HNRNPA3: variants seen among roughly 807,000 people sequenced by gnomAD.
HNRNPA3 encodes the protein heterogeneous nuclear ribonucleoprotein A3.
Under a neutral mutation model 45.8 loss-of-function variants are expected in HNRNPA3, and 3 were observed. That is an observed-to-expected ratio of 0.07 (90% CI 0.03 to 0.17). The LOEUF is 0.17. Among genes scored for constraint, HNRNPA3 ranks in the 10% least tolerant of loss-of-function variants. HNRNPA3 has a pLI of 1.00. For synonymous variants in HNRNPA3, 170 were observed against 155.6 expected, an observed-to-expected ratio of 1.09 and a Z score of -0.69; for missense variants, 183 against 480.3, an observed-to-expected ratio of 0.38 and a Z score of 5.79.
intron 1 of HNRNPA3, among the ~76,000 whole-genome samples, chr2:177,215,294 C>T (rs966424560): frequency 6.6e-6 from 1 of 152,030 alleles, no homozygotes; most frequent in Non-Finnish European, 1.5e-5. Flanking sequence ...GGGGTTTCGC[C>T]GTGTTGGCCA....
At chr2:177,220,042 T>C (rs948581980) in exon 11 of HNRNPA3, 3 of 152,648 alleles carry the variant, frequency 2.0e-5, no homozygotes, top group Admixed American at 6.5e-5. Flanking sequence ...AATGTGTGTT[T>C]TAGATAAATA....
rs879727435 is a variant in HNRNPA3, at chr2:177,213,113, AGGGAAGCCGGCCTGCC to A, written c.72+245_72+260del. Among the ~76,000 whole-genome samples, 277 of 148,958 alleles carry A rather than the reference AGGGAAGCCGGCCTGCC, an allele frequency of 1.9e-3. 1 individual carries two copies. The highest frequency in any genetic ancestry group is 3.0e-3 in the Non-Finnish European group (205 of 67,504). On this transcript the variant is annotated intron_variant, in intron 1 of 10. Transcript: ENST00000392524. ...GCGGCTTGGTCGGGGAGGCCTCGGG[AGGGAAGCCGGCCTGCC>A]GGCTGCGCGGCCTCCGAAGCGAGGC... is the stretch of plus-strand genomic sequence containing the variant.
intron 2 of HNRNPA3, 24 bp from the exon 3 acceptor site, chr2:177,215,726 G>A (rs1558968970): frequency 8.2e-6 from 13 of 1,582,298 alleles, no homozygotes; most frequent in African/African-American, 2.8e-5. Flanking sequence ...TGTTTTCAAC[G>A]TTATAAAACT....
intron 8 of HNRNPA3, among the ~76,000 whole-genome samples, 200 bp downstream of exon 8, chr2:177,218,045 C>CTTCT (rs1689023804): frequency 9.3e-6 from 1 of 107,640 alleles, no homozygotes; most frequent in African/African-American, 3.7e-5. Flanking sequence ...ACTCAGCTCT[C>CTTCT]TTTTTTCTTT....
chr2:177,221,599 AGT>A (rs1464232982), downstream of HNRNPA3: 15 of 152,652 alleles, frequency 9.8e-5, no homozygotes, highest in African/African-American at 3.6e-4. Flanking sequence ...TCTTGTGAAC[AGT>A]GTGGAAAAGT....
chr2:177,218,468 C>T (rs964126942), intron 8 of HNRNPA3, among the ~76,000 whole-genome samples: 2 of 151,656 alleles, frequency 1.3e-5, no homozygotes, highest in African/African-American at 4.9e-5. Context: ...CAAAATTTTA[C>T]TTAACTCCTT....
chr2:177,215,389 C>T (rs180788821), intron 1 of HNRNPA3, 150 bp from the exon 2 acceptor site: 26 of 780,038 alleles, frequency 3.3e-5, no homozygotes, highest in East Asian at 2.3e-4. Flanking sequence ...GACATCGCGC[C>T]GGTGTCTGGT....
exon 6 of HNRNPA3, chr2:177,216,680 T>C (rs373762842): frequency 6.2e-7 from 1 of 1,614,170 alleles, no homozygotes. Context: ...TTAAAGGTCG[T>C]GGAGGTGGAT....
chr2:177,214,980 T>TGG (rs1688868750), intron 1 of HNRNPA3, among the ~76,000 whole-genome samples: 1 of 152,262 alleles, frequency 6.6e-6, no homozygotes, highest in South Asian at 2.1e-4. Context: ...TTTTTGATTC[T>TGG]GGAATTGTCT....
downstream of HNRNPA3, chr2:177,220,945 G>A (rs192361797): frequency 2.6e-5 from 4 of 152,712 alleles, no homozygotes; most frequent in East Asian, 5.8e-4. Flanking sequence ...TTGAATTCAA[G>A]TCTTTTGTTT....
At chr2:177,219,254 T>C (rs1203607067) in exon 10 of HNRNPA3, 4 of 1,613,686 alleles carry the variant, frequency 2.5e-6, no homozygotes, top group African/African-American at 2.7e-5. Context: ...CAGGTGGTTA[T>C]GGATCTGGTG....
rs571873397 is a variant in HNRNPA3 at position 177,216,442 on chromosome 2, T to C, written c.554-61T>C. 3.2e-5 allele frequency: 39 copies of C among 1,226,442 alleles called. No homozygotes were observed. In the East Asian group the frequency reaches 5.9e-4, roughly 18 times the overall value. The allele number at this position is 1,226,442 out of a possible 1,614,324, so 76.0% of individuals were successfully genotyped here. A position where few individuals can be genotyped will look rare whatever the true frequency, so the allele number is the denominator to read the frequency against. On this transcript the variant is annotated intron_variant, in intron 4 of 10. Coordinates refer to ENST00000392524, the Ensembl canonical transcript of HNRNPA3. ...TTACATAATGACAGAGGGTATCTCATATATGTGCTTTTCCAAACATAAAAT... is the reference window on the plus strand; with the variant it reads ...TTACATAATGACAGAGGGTATCTCACATATGTGCTTTTCCAAACATAAAAT...
intron 6 of HNRNPA3, 32 bp from the exon 7 acceptor site, chr2:177,216,828 A>G: frequency 6.2e-7 from 1 of 1,612,818 alleles, no homozygotes; most frequent in Non-Finnish European, 8.5e-7. Flanking sequence ...AGTTGAATAT[A>G]TTATTTTAAT....
In HNRNPA3 at chr2:177,213,680, C is replaced by T. The variant is rs556895194; in HGVS notation, c.72+809C>T. Among the ~76,000 whole-genome samples the T allele has an allele frequency of 2.0e-5, 3 of 152,158 alleles. No individual in the cohort carries two copies. In the East Asian group the frequency reaches 5.8e-4, roughly 29 times the overall value. ...ATGTGAAAAACAACCCAGCCAGCTC[C>T]TTCCCGGCTCCGGCCGCTGAGGAGG... On this transcript the variant is annotated intron_variant, in intron 1 of 10. Transcript: ENST00000392524.
In HNRNPA3 at chr2:177,216,841, A is replaced by C; in HGVS notation, c.740-19A>C. On this transcript the variant is annotated intron_variant, in intron 6 of 10. Coordinates refer to ENST00000392524, the Ensembl canonical transcript of HNRNPA3. ...TAAGTTGAATATATTATTTTAATTC[A>C]TTTCTTGTTTTTCCTCAGGAGGCTA... 1 of 1,612,548 alleles carries C rather than the reference A, an allele frequency of 6.2e-7. No homozygotes were observed.
At chr2:177,213,110 G>T (rs959072935) in intron 1 of HNRNPA3, among the ~76,000 whole-genome samples, 2 of 152,142 alleles carry the variant, frequency 1.3e-5, no homozygotes, top group Non-Finnish European at 2.9e-5. Flanking sequence ...GGGAGGCCTC[G>T]GGAGGGAAGC....
chr2:177,217,857 C>T lies in HNRNPA3; in HGVS notation c.961+12C>T, dbSNP rs1689011838. ...AAATTTTGGCGGTGGTAAGCATTCACTTGTTTTATTTAAATGTTAAATATT... is the reference window on the plus strand; with the variant it reads ...AAATTTTGGCGGTGGTAAGCATTCATTTGTTTTATTTAAATGTTAAATATT... On this transcript the variant is annotated intron_variant, in intron 8 of 10. Coordinates refer to ENST00000392524, the Ensembl canonical transcript of HNRNPA3. 1 of 1,551,512 alleles carries T rather than the reference C, an allele frequency of 6.4e-7. No individual in the cohort carries two copies. Among genetic ancestry groups the T allele is most frequent in the African/African-American group, 1.4e-5 (1 of 72,202 alleles).
At position 177,218,052 on chromosome 2, in the gene HNRNPA3, C is replaced by CTTTTTTTTTTTTTTTTT. The variant is rs58476089; in HGVS notation, c.961+218_961+234dup. Among the ~76,000 whole-genome samples, 65 of 102,178 alleles carry CTTTTTTTTTTTTTTTTT rather than the reference C, an allele frequency of 6.4e-4. 3 individuals are homozygous for CTTTTTTTTTTTTTTTTT. The highest frequency in any genetic ancestry group is 2.5e-3 in the African/African-American group (62 of 25,052). The allele number at this position is 102,178 out of a possible 152,430, so 67.0% of individuals were successfully genotyped here. A position where few individuals can be genotyped will look rare whatever the true frequency, so the allele number is the denominator to read the frequency against. ...ACAAATGTACTCAGCTCTCTTTTTTCTTTTTTTTTTTTTTTTTTTTTTTTT... is the reference window on the plus strand; with the variant it reads ...ACAAATGTACTCAGCTCTCTTTTTTCTTTTTTTTTTTTTTTTTTTTTTTTTTTTTTTTTTTTTTTTTT... On this transcript the variant is annotated intron_variant, in intron 8 of 10. Coordinates refer to ENST00000392524, the Ensembl canonical transcript of HNRNPA3.
At chr2:177,219,094 A>C (rs1689082441) in exon 9 of HNRNPA3, 3 of 1,614,052 alleles carry the variant, frequency 1.9e-6, no homozygotes, top group Non-Finnish European at 2.5e-6. Flanking sequence ...GGACAACAGC[A>C]ATCAAATTAT....
Sources: gnomAD v4.1 joint callset for allele counts (sites outside exome capture counted in the v4.1 genomes callset) on GRCh38, gnomAD v4.1.1 for gene constraint, MANE v1.5 for transcripts, NCBI Gene and HGNC (gene_info 2026-07-23, HGNC 2026-07-21) for gene names.